PCDH7: variants seen among roughly 807,000 people sequenced by gnomAD.
PCDH7 encodes the protein protocadherin 7.
PCDH7 carries 17 observed loss-of-function variants against 58.9 expected under a neutral mutation model. The observed-to-expected ratio is 0.29, with a 90% CI of 0.20 to 0.43. The LOEUF (loss-of-function observed/expected upper bound fraction) is 0.43, where lower values mean the gene tolerates loss of function less well. Among genes scored for constraint, PCDH7 ranks in the 20% least tolerant of loss-of-function variants. The pLI, the probability that PCDH7 is intolerant of heterozygous loss-of-function variation, is 1.00. For synonymous variants in PCDH7, 664 were observed against 616.4 expected, an observed-to-expected ratio of 1.08 and a Z score of -1.14; for missense variants, 1,274 against 1,441.0, an observed-to-expected ratio of 0.88 and a Z score of 1.88.
At chr4:31,057,432 C>G (rs1247057312) in intron 3 of PCDH7, among the ~76,000 whole-genome samples, 2 of 152,070 alleles carry the variant, frequency 1.3e-5, no homozygotes, top group Non-Finnish European at 2.9e-5. Context: ...CATATATGAA[C>G]TTTTCTGTAC....
At chr4:31,135,456 T>C (rs1473803759) in intron 3 of PCDH7, among the ~76,000 whole-genome samples, 1 of 152,160 alleles carries the variant, frequency 6.6e-6, no homozygotes, top group African/African-American at 2.4e-5. Context: ...CAGGATCCAG[T>C]GGCCAGCGTA....
chr4:30,901,521 C>T (rs539561207), intron 1 of PCDH7, among the ~76,000 whole-genome samples: 154 of 152,130 alleles, frequency 1.0e-3, no homozygotes, highest in African/African-American at 3.5e-3. Context: ...TTAAGTTTCC[C>T]AGGTAATTCA....
At chr4:30,724,813 A>G (rs1164743567) in intron 1 of PCDH7, 2 of 1,387,636 alleles carry the variant, frequency 1.4e-6, no homozygotes, top group Non-Finnish European at 1.9e-6. Context: ...TCACTAAACT[A>G]CTGAAAGAAG....
intron 3 of PCDH7, among the ~76,000 whole-genome samples, chr4:31,049,619 G>C (rs1364916762): frequency 6.6e-6 from 1 of 152,076 alleles, no homozygotes; most frequent in Non-Finnish European, 1.5e-5. Flanking sequence ...CATCAGATTA[G>C]GTGTCCAAAA....
chr4:31,072,441 GAT>G (rs2109254605), intron 3 of PCDH7, among the ~76,000 whole-genome samples: 1 of 152,146 alleles, frequency 6.6e-6, no homozygotes, highest in South Asian at 2.1e-4. Context: ...TGTGGAAAGA[GAT>G]AATTTTTTTT....
intron 3 of PCDH7, among the ~76,000 whole-genome samples, chr4:30,988,077 G>A (rs900899158): frequency 6.6e-6 from 1 of 152,246 alleles, no homozygotes; most frequent in East Asian, 1.9e-4. Flanking sequence ...ACACAGACAT[G>A]AGTTGCATAA....
At chr4:30,737,683 A>G (rs1237960945), downstream of PCDH7, among the ~76,000 whole-genome samples, 1 of 152,188 alleles carries the variant, frequency 6.6e-6, no homozygotes, top group African/African-American at 2.4e-5. Flanking sequence ...ATATACCAGT[A>G]GGCACTGGGT....
intron 3 of PCDH7, among the ~76,000 whole-genome samples, chr4:31,003,051 T>C (rs1302046512): frequency 6.6e-6 from 1 of 152,198 alleles, no homozygotes; most frequent in African/African-American, 2.4e-5. Context: ...CATTCATGAG[T>C]AGAATTCTGA....
At chr4:31,093,607 C>CACACAT (rs33938318) in intron 3 of PCDH7, among the ~76,000 whole-genome samples, 26,498 of 151,768 alleles carry the variant, frequency 0.17, 4,502 homozygotes, top group African/African-American at 0.44. Context: ...CACACACACA[C>CACACAT]ATTACTTGAA....
chr4:30,770,119 G>A (rs1721214379), intron 1 of PCDH7, among the ~76,000 whole-genome samples: 1 of 152,156 alleles, frequency 6.6e-6, no homozygotes, highest in Admixed American at 6.5e-5. Context: ...AAATGAAAGG[G>A]CAGATGACTC....
intron 3 of PCDH7, among the ~76,000 whole-genome samples, chr4:31,086,917 A>G (rs1290103327): frequency 1.3e-5 from 2 of 152,208 alleles, no homozygotes; most frequent in South Asian, 2.1e-4. Context: ...CACAGTGAAT[A>G]CATAGCCAAG....
In PCDH7 at chr4:30,724,259, C is replaced by T; in HGVS notation, c.2837C>T (p.Pro946Leu). ...AAGAAAAACAAAAAATCTAAGCAGCCTCTCTACAGCAGCATTGTCACTGTG... is the reference window on the plus strand; with the variant it reads ...AAGAAAAACAAAAAATCTAAGCAGCTTCTCTACAGCAGCATTGTCACTGTG... The change falls in exon 1 of 2, where the codon CCT becomes CTT. Residue 946 changes from proline to leucine, a missense_variant. Coordinates refer to ENST00000361762, the Ensembl canonical transcript of PCDH7. 1.9e-6 allele frequency: 3 copies of T among 1,613,474 alleles called. No homozygotes were observed. Among genetic ancestry groups the T allele is most frequent in the African/African-American group, 2.7e-5 (2 of 74,900 alleles).
chr4:31,044,536 T>C (rs954947525), intron 3 of PCDH7, among the ~76,000 whole-genome samples: 2 of 152,050 alleles, frequency 1.3e-5, no homozygotes, highest in Non-Finnish European at 2.9e-5. Context: ...TGTTTTCTTA[T>C]GCTAGGAGGC....
At chr4:30,899,011 G>A (rs1189380704) in intron 1 of PCDH7, among the ~76,000 whole-genome samples, 1 of 151,926 alleles carries the variant, frequency 6.6e-6, no homozygotes, top group Admixed American at 6.6e-5. Flanking sequence ...AGACAAGAAT[G>A]GAATGGAATA....
At chr4:30,976,130 C>T (rs1295361500) in intron 3 of PCDH7, among the ~76,000 whole-genome samples, 2 of 152,118 alleles carry the variant, frequency 1.3e-5, no homozygotes, top group Non-Finnish European at 2.9e-5. Context: ...TATCTACTTT[C>T]AATATAAAAT....
intron 1 of PCDH7, among the ~76,000 whole-genome samples, chr4:30,806,335 C>T (rs1449043352): frequency 1.3e-5 from 2 of 151,694 alleles, no homozygotes; most frequent in South Asian, 2.1e-4. Flanking sequence ...CAGACAGTCT[C>T]GCTCTGTCAC....
At chr4:30,771,439 G>A (rs1011148862) in intron 1 of PCDH7, among the ~76,000 whole-genome samples, 1 of 152,124 alleles carries the variant, frequency 6.6e-6, no homozygotes, top group African/African-American at 2.4e-5. Context: ...TAGGATCTGG[G>A]TACCATAATG....
intron 3 of PCDH7, among the ~76,000 whole-genome samples, chr4:31,101,736 A>G (rs1016542199): frequency 1.3e-5 from 2 of 152,160 alleles, no homozygotes; most frequent in Non-Finnish European, 2.9e-5. Context: ...AATGTTTCAA[A>G]ACCAAGCATA....
chr4:31,024,931 C>A (rs910201358), intron 3 of PCDH7, among the ~76,000 whole-genome samples: 1 of 152,198 alleles, frequency 6.6e-6, no homozygotes, highest in South Asian at 2.1e-4. Context: ...TTAGTAGAGA[C>A]AGGGTTTCAC....
Sources: allele counts gnomAD v4.1 joint callset (sites outside exome capture counted in the v4.1 genomes callset), GRCh38; gene constraint gnomAD v4.1.1; transcripts MANE v1.5; gene names NCBI Gene and HGNC (gene_info 2026-07-23, HGNC 2026-07-21).